Variants in NRG1 observed in about 807,000 individuals in gnomAD.
NRG1 encodes pro-neuregulin-1, membrane-bound isoform.
NRG1 carries 18 observed loss-of-function variants against 63.8 expected under a neutral mutation model. That is an observed-to-expected ratio of 0.28 (90% confidence interval 0.19 to 0.42). NRG1 has a LOEUF of 0.42. Ranked by LOEUF, NRG1 falls within the 10% of genes least tolerant of loss-of-function variation. The pLI is 1.00. For missense variants in NRG1, 762 were observed against 814.7 expected (o/e 0.94, Z 0.79); for synonymous variants, 302 against 301.3 (o/e 1.00, Z -0.02).
chr8:32,581,077 C>G (rs1445800230), intron 1 of NRG1, among the ~76,000 whole-genome samples: 2 of 152,182 alleles, frequency 1.3e-5, no homozygotes, highest in African/African-American at 4.8e-5. Context: ...AAGTCTCTAT[C>G]TCTTGCCCCC....
intron 1 of NRG1, among the ~76,000 whole-genome samples, chr8:32,036,925 T>C (rs999994921): frequency 6.6e-5 from 10 of 152,190 alleles, no homozygotes; most frequent in African/African-American, 2.4e-4. Flanking sequence ...TTCTGAAGCC[T>C]ACTTCTGTCA....
At chr8:32,073,383 A>G (rs1826032683) in intron 1 of NRG1, among the ~76,000 whole-genome samples, 2 of 152,174 alleles carry the variant, frequency 1.3e-5, no homozygotes, top group Non-Finnish European at 2.9e-5. Context: ...TTGGAGGTAG[A>G]AAATAGAACA....
At chr8:32,395,390 A>G (rs188645608) in intron 1 of NRG1, among the ~76,000 whole-genome samples, 35 of 152,290 alleles carry the variant, frequency 2.3e-4, no homozygotes, top group Admixed American at 1.3e-4. Flanking sequence ...AATCCTTATC[A>G]TGCAATGACT....
At chr8:31,833,307 C>T (rs1012550973) in intron 1 of NRG1, among the ~76,000 whole-genome samples, 1 of 152,104 alleles carries the variant, frequency 6.6e-6, no homozygotes, top group Non-Finnish European at 1.5e-5. Context: ...GCACATGGTT[C>T]CCAGACCATT....
rs148479733 is a variant in NRG1, at chr8:31,832,362, T to C, written c.37+192931T>C. 2.7e-3 allele frequency among the ~76,000 whole-genome samples: 406 copies of C among 150,970 alleles called. 4 individuals carry two copies. Among genetic ancestry groups the C allele is most frequent in the African/African-American group, 9.4e-3 (385 of 41,166 alleles). On this transcript the variant is annotated intron_variant, in intron 1 of 10. Transcript: ENST00000519301. The stretch of plus-strand genomic sequence containing the variant: ...CAACCTCCAACTCCCCATGCTCAGG[T>C]GATCCTCCCACGTCAGCCTCCCGAG...
chr8:31,788,454 C>A (rs370201196), intron 1 of NRG1, among the ~76,000 whole-genome samples: 45 of 152,158 alleles, frequency 3.0e-4, no homozygotes, highest in African/African-American at 9.4e-4. Context: ...CTTCTTAAAT[C>A]TCCAGTCATA....
intron 1 of NRG1, among the ~76,000 whole-genome samples, chr8:31,679,474 A>G (rs983435368): frequency 2.0e-5 from 3 of 152,150 alleles, no homozygotes; most frequent in African/African-American, 7.2e-5. Context: ...TAAATTTTCA[A>G]TTGGATGAAT....
chr8:32,044,913 C>CAAAAAAAAAAAAAAAAAAAAACAAA, intron 1 of NRG1, among the ~76,000 whole-genome samples: 1 of 57,120 alleles, frequency 1.8e-5, no homozygotes, highest in African/African-American at 6.9e-5. Context: ...TAAAGAAAAG[C>CAAAAAAAAAAAAAAAAAAAAACAAA]AAAAAAAAAA....
intron 1 of NRG1, among the ~76,000 whole-genome samples, chr8:32,403,330 AG>A (rs1234293798): frequency 2.6e-5 from 4 of 151,780 alleles, no homozygotes; most frequent in African/African-American, 9.7e-5. Flanking sequence ...GAAAGAAAAA[AG>A]AAATGAGCAA....
intron 1 of NRG1, among the ~76,000 whole-genome samples, chr8:31,703,280 T>C (rs905027855): frequency 4.6e-5 from 7 of 151,814 alleles, no homozygotes; most frequent in South Asian, 2.1e-4. Context: ...TTACAACTTA[T>C]AGAAATTTAC....
chr8:32,158,452 T>G (rs954218832), intron 1 of NRG1, among the ~76,000 whole-genome samples: 34 of 93,468 alleles, frequency 3.6e-4, no homozygotes, highest in South Asian at 7.5e-4. Context: ...TTACATGATA[T>G]ATATATATAT....
intron 1 of NRG1, among the ~76,000 whole-genome samples, chr8:31,856,214 A>G (rs1307548398): frequency 1.3e-5 from 2 of 151,202 alleles, no homozygotes; most frequent in Non-Finnish European, 1.5e-5. Flanking sequence ...GTATTTTCCA[A>G]CTTGGTTCCA....
At chr8:31,788,117 C>T (rs1421310316) in intron 1 of NRG1, among the ~76,000 whole-genome samples, 1 of 151,942 alleles carries the variant, frequency 6.6e-6, no homozygotes, top group Non-Finnish European at 1.5e-5. Flanking sequence ...TATCTTGTAT[C>T]TGTAAAGATA....
At chr8:32,655,318 A>G (rs557466232) in intron 5 of NRG1, among the ~76,000 whole-genome samples, 2 of 152,326 alleles carry the variant, frequency 1.3e-5, no homozygotes, top group East Asian at 3.9e-4. Flanking sequence ...GAAACTCGAG[A>G]TCAAATACCA....
At chr8:32,709,342 T>G (rs190111081) in intron 5 of NRG1, among the ~76,000 whole-genome samples, 2 of 152,290 alleles carry the variant, frequency 1.3e-5, no homozygotes, top group East Asian at 3.9e-4. Context: ...CTCAGATTTC[T>G]TCCATAGCTT....
At chr8:32,396,470 T>C (rs1812451090) in intron 1 of NRG1, among the ~76,000 whole-genome samples, 1 of 152,168 alleles carries the variant, frequency 6.6e-6, no homozygotes, top group African/African-American at 2.4e-5. Flanking sequence ...TATTTAGAGA[T>C]GGAGTTTTGT....
At chr8:32,065,060 T>C (rs2130950569) in intron 1 of NRG1, among the ~76,000 whole-genome samples, 1 of 152,180 alleles carries the variant, frequency 6.6e-6, no homozygotes, top group Non-Finnish European at 1.5e-5. Flanking sequence ...TTAGAGTTTC[T>C]TATATTTAAA....
chr8:32,088,126 C>CAATG (rs1828554945), intron 1 of NRG1, among the ~76,000 whole-genome samples: 1 of 152,122 alleles, frequency 6.6e-6, no homozygotes, highest in Non-Finnish European at 1.5e-5. Flanking sequence ...ATCTGAAAAC[C>CAATG]AATGACACTT....
chr8:32,354,794 T>C (rs1806133645), intron 1 of NRG1, among the ~76,000 whole-genome samples: 1 of 26,756 alleles, frequency 3.7e-5, no homozygotes, highest in East Asian at 6.3e-3. Context: ...ATGAAGCTGC[T>C]TTTTTTAAAA....
Sources: gnomAD v4.1 joint callset for allele counts (sites outside exome capture counted in the v4.1 genomes callset) on GRCh38, gnomAD v4.1.1 for gene constraint, MANE v1.5 for transcripts, NCBI Gene and HGNC (gene_info 2026-07-23, HGNC 2026-07-21) for gene names.